Variants in ZFAT observed in about 807,000 individuals in gnomAD.
The protein encoded by ZFAT is zinc finger and AT-hook domain containing.
In ZFAT, 64 loss-of-function variants were observed where a neutral mutation model predicts 117.7. That is an observed-to-expected ratio of 0.54 (90% CI 0.44 to 0.67). The LOEUF (loss-of-function observed/expected upper bound fraction) is 0.67. Ranked by LOEUF, ZFAT falls within the 30% of genes least tolerant of loss-of-function variation. The pLI is 0.00. For missense variants in ZFAT, 1,433 were observed against 1,584.5 expected (o/e 0.90, Z 1.62); for synonymous variants, 679 against 615.0 (o/e 1.10, Z -1.54).
chr8:134,748,783 T>G, the ZFAT span, among the ~76,000 whole-genome samples: 1 of 152,220 alleles, frequency 6.6e-6, no homozygotes. Context: ...TATTATGTTA[T>G]AATTTTAATT....
chr8:134,608,641 C>G, intron 5 of ZFAT, 88 bp downstream of exon 5: 4 of 1,490,124 alleles, frequency 2.7e-6, no homozygotes, highest in Non-Finnish European at 3.6e-6. Flanking sequence ...AGAATCCAAA[C>G]GAACAAGCAT....
rs201017362 is a variant in ZFAT at position 134,509,571 on chromosome 8, G to A, written c.3492+48C>T. ...AAACACAGGGAGAAGGAGAGAACCT[G>A]ACTGTGAGACACACAGAGATGAATA... On this transcript the variant is annotated intron_variant, in intron 15 of 15. Coordinates refer to ENST00000377838, the MANE Select transcript of ZFAT (RefSeq NM_020863.4). The A allele has an allele frequency of 1.2e-3, 1,987 of 1,609,552 alleles. 3 individuals are homozygous for A. Among genetic ancestry groups the A allele is most frequent in the Non-Finnish European group, 1.6e-3 (1,910 of 1,178,310 alleles).
intron 10 of ZFAT, among the ~76,000 whole-genome samples, chr8:134,578,784 GC>G (rs1318814571): frequency 6.6e-6 from 1 of 152,140 alleles, no homozygotes; most frequent in Non-Finnish European, 1.5e-5. Context: ...AAGACAGAAC[GC>G]ACAGGATTTG....
At chr8:134,682,994 G>A (rs1048374451) in intron 1 of ZFAT, among the ~76,000 whole-genome samples, 2 of 152,198 alleles carry the variant, frequency 1.3e-5, no homozygotes, top group Non-Finnish European at 2.9e-5. Context: ...GCACCTCTGT[G>A]AGAAATGGAC....
At chr8:134,768,133 C>T in the ZFAT span, among the ~76,000 whole-genome samples, 1 of 152,144 alleles carries the variant, frequency 6.6e-6, no homozygotes, top group East Asian at 1.9e-4. Context: ...TGTGGCAACC[C>T]TCTGTTGAAC....
intron 11 of ZFAT, chr8:134,565,046 T>C (rs1824334169): frequency 7.2e-7 from 1 of 1,390,168 alleles, no homozygotes; most frequent in African/African-American, 1.4e-5. Flanking sequence ...CAAGCCTTCC[T>C]CTAAATCACT....
the ZFAT span, among the ~76,000 whole-genome samples, chr8:134,811,016 A>C: frequency 5.9e-5 from 9 of 152,206 alleles, no homozygotes; most frequent in African/African-American, 2.2e-4. Flanking sequence ...AAAAGAAAAA[A>C]AAAAGCATCA....
chr8:134,827,352 A>T, the ZFAT span, among the ~76,000 whole-genome samples: 1 of 152,216 alleles, frequency 6.6e-6, no homozygotes, highest in African/African-American at 2.4e-5. Context: ...GCCTGAACTC[A>T]GCCTTTCTTA....
rs147996800 is a variant in ZFAT, at chr8:134,673,850, C to T, written c.20-16113G>A. Among the ~76,000 whole-genome samples, 321 of 152,334 alleles carry T rather than the reference C, an allele frequency of 2.1e-3. 6 individuals carry two copies. Among genetic ancestry groups the T allele is most frequent in the Admixed American group, 0.016 (238 of 15,298 alleles). ...GAAGCAGGCCAGGCACAGTGGCTCA[C>T]GCCTATAATCCCAGCACTTTGAGAG... On this transcript the variant is annotated intron_variant, in intron 1 of 15. Transcript: ENST00000377838.
intron 10 of ZFAT, among the ~76,000 whole-genome samples, 169 bp downstream of exon 10, chr8:134,583,663 C>G (rs1825866063): frequency 6.6e-6 from 1 of 152,126 alleles, no homozygotes; most frequent in Non-Finnish European, 1.5e-5. Flanking sequence ...AGGCACTGAG[C>G]ACAGGAATGG....
At chr8:134,643,063 TA>T in intron 2 of ZFAT, among the ~76,000 whole-genome samples, 1 of 152,370 alleles carries the variant, frequency 6.6e-6, no homozygotes, top group East Asian at 1.9e-4. Context: ...TGGTGATAAC[TA>T]ATCATTATTA....
chr8:134,503,277 C>A (rs527400962), intron 15 of ZFAT, among the ~76,000 whole-genome samples: 28 of 152,254 alleles, frequency 1.8e-4, no homozygotes, highest in African/African-American at 6.5e-4. Flanking sequence ...AGAGCTGATT[C>A]CTGAATCTTG....
the ZFAT span, among the ~76,000 whole-genome samples, chr8:134,741,629 C>A: frequency 2.0e-5 from 3 of 152,148 alleles, no homozygotes; most frequent in East Asian, 5.8e-4. Context: ...GTAACAGAGA[C>A]ATGGACTGTG....
intron 13 of ZFAT, among the ~76,000 whole-genome samples, chr8:134,520,123 C>T (rs2130462174): frequency 6.6e-6 from 1 of 152,268 alleles, no homozygotes; most frequent in East Asian, 1.9e-4. Flanking sequence ...TTTTTACCCC[C>T]AGGAAACACT....
intron 3 of ZFAT, among the ~76,000 whole-genome samples, chr8:134,630,712 A>G (rs1829827901): frequency 8.4e-6 from 1 of 119,724 alleles, no homozygotes; most frequent in African/African-American, 3.0e-5. Context: ...TAACTACAGG[A>G]AAAAAAAATC....
chr8:134,583,926 G>A lies in ZFAT; in HGVS notation c.2793C>T (p.His931=). 2 of 1,602,144 alleles carry A rather than the reference G, an allele frequency of 1.2e-6. No individual in the cohort carries two copies. Among genetic ancestry groups the A allele is most frequent in the Admixed American group, 1.7e-5 (1 of 58,304 alleles). ...KSNLKAHMNR[H]STEKTHLCDM... is the part of the protein sequence containing the mutation. ...CACATAGGTGGGTTTTCTCAGTGCT[G>A]TGACGATTCATATGAGCCTTGAGGT... is the stretch of plus-strand genomic sequence containing the variant. Residue 931 remains histidine (H), a synonymous_variant, in exon 10 of 16, where the codon CAC becomes CAT. Transcript: ENST00000377838.
intron 11 of ZFAT, among the ~76,000 whole-genome samples, chr8:134,563,136 A>G (rs867968712): frequency 4.4e-4 from 67 of 152,244 alleles, no homozygotes; most frequent in African/African-American, 1.4e-3. Flanking sequence ...AATTTTAAAT[A>G]CGTACACAAA....
At chr8:134,592,195 G>A (rs1016126550) in intron 7 of ZFAT, among the ~76,000 whole-genome samples, 3 of 152,146 alleles carry the variant, frequency 2.0e-5, no homozygotes, top group African/African-American at 4.8e-5. Context: ...TGTGTTCCAC[G>A]CCTTGTGTGA....
the ZFAT span, among the ~76,000 whole-genome samples, chr8:134,758,300 A>G: frequency 6.6e-6 from 1 of 151,308 alleles, no homozygotes; most frequent in South Asian, 2.1e-4. Context: ...CCAGGACTAC[A>G]GGTAAGAAAA....
Sources: allele counts gnomAD v4.1 joint callset (sites outside exome capture counted in the v4.1 genomes callset), GRCh38; gene constraint gnomAD v4.1.1; transcripts MANE v1.5; gene names NCBI Gene and HGNC (gene_info 2026-07-23, HGNC 2026-07-21).